Variants in PDK3 observed in about 807,000 individuals in gnomAD.
The protein encoded by PDK3 is pyruvate dehydrogenase kinase, isozyme 3.
Under a neutral mutation model 32.0 loss-of-function variants are expected in PDK3, and 12 were observed. The observed-to-expected ratio is 0.37, with a 90% CI of 0.24 to 0.61. PDK3 has a LOEUF of 0.61. Ranked by LOEUF, PDK3 falls within the 20% of genes least tolerant of loss-of-function variation. PDK3 has a pLI of 0.65. For synonymous variants in PDK3, 122 were observed against 116.3 expected, an observed-to-expected ratio of 1.05 and a Z score of -0.31; for missense variants, 188 against 316.9, an observed-to-expected ratio of 0.59 and a Z score of 3.09.
At chrX:24,517,894 G>A (rs1329817419) in intron 5 of PDK3, among the ~76,000 whole-genome samples, 2 of 112,063 alleles carry the variant, frequency 1.8e-5, no homozygotes, top group African/African-American at 6.5e-5. Context: ...AACTTAAATT[G>A]TGTGGCTCAT....
chrX:24,476,299 C>T (rs955883358), intron 1 of PDK3, among the ~76,000 whole-genome samples: 4 of 111,477 alleles, frequency 3.6e-5, no homozygotes, highest in Non-Finnish European at 5.7e-5. Context: ...AAAAAAAATT[C>T]CACAAATTTC....
At chrX:24,492,832 C>T (rs1331331733) in intron 1 of PDK3, among the ~76,000 whole-genome samples, 1 of 109,145 alleles carries the variant, frequency 9.2e-6, no homozygotes, top group East Asian at 2.9e-4. Context: ...AACCCCGTCT[C>T]TACTAAAAAT....
In PDK3 at chrX:24,465,606, A is replaced by G. The variant is rs1300660244; in HGVS notation, c.106+45A>G. The stretch of plus-strand genomic sequence containing the variant: ...TCCCCATGGGCCCGGGGCCGCCGCC[A>G]TTCGGGCTGCCACCCCGGATCTCCG... On this transcript the variant is annotated intron_variant, in intron 1 of 10. Transcript: ENST00000379162. The G allele has an allele frequency of 3.1e-6, 3 of 963,524 alleles. No homozygotes were observed. In the South Asian group the frequency reaches 6.0e-5, roughly 19 times the overall value. 79.4% of individuals were successfully genotyped at this position (963,524 alleles called of 1,213,427 possible).
chrX:24,545,756 G>A (rs1399048676), exon 12 of PDK3: 4 of 111,712 alleles, frequency 3.6e-5, no homozygotes, highest in African/African-American at 9.8e-5. Flanking sequence ...ATACTGTCCA[G>A]TGTCTCCAGC....
In PDK3 at chrX:24,496,922, C is replaced by T. The variant is rs957565478; in HGVS notation, c.249-1907C>T. On this transcript the variant is annotated intron_variant, in intron 2 of 10. Coordinates refer to ENST00000379162, the MANE Select transcript of PDK3 (RefSeq NM_005391.5). ...TCAACCTCCCAAGTAGCTGGGACTA[C>T]AGGCGCCCGCCACCATGCCCTGCTA... Among the ~76,000 whole-genome samples the T allele has an allele frequency of 3.8e-4, 40 of 106,366 alleles. 1 individual carries two copies. Among genetic ancestry groups the T allele is most frequent in the Non-Finnish European group, 9.7e-5 (5 of 51,730 alleles). The allele number at this position is 106,366 out of a possible 115,157, so 92.4% of individuals were successfully genotyped here.
At chrX:24,495,538 C>T (rs1223927560) in intron 2 of PDK3, among the ~76,000 whole-genome samples, 2 of 112,238 alleles carry the variant, frequency 1.8e-5, no homozygotes, top group Non-Finnish European at 3.8e-5. Context: ...GAAGATACTT[C>T]ACCTATGTTT....
At chrX:24,466,449 C>G (rs1373730576) in intron 1 of PDK3, among the ~76,000 whole-genome samples, 1 of 112,034 alleles carries the variant, frequency 8.9e-6, no homozygotes, top group Non-Finnish European at 1.9e-5. Flanking sequence ...GGAGGAAAAT[C>G]AAATCCAGCA....
intron 5 of PDK3, among the ~76,000 whole-genome samples, chrX:24,506,973 G>T (rs1342354204): frequency 9.2e-6 from 1 of 109,257 alleles, no homozygotes; most frequent in Non-Finnish European, 1.9e-5. Flanking sequence ...ACCACGCCCA[G>T]CTAATTTTTG....
chrX:24,543,819 G>C (rs1228929332), exon 12 of PDK3, among the ~76,000 whole-genome samples: 1 of 111,955 alleles, frequency 8.9e-6, no homozygotes, highest in Non-Finnish European at 1.9e-5. Flanking sequence ...ATTTCTTCCA[G>C]TGCTGAACAA....
chrX:24,466,561 A>T (rs992620099), intron 1 of PDK3, among the ~76,000 whole-genome samples: 2 of 111,781 alleles, frequency 1.8e-5, no homozygotes, highest in African/African-American at 3.3e-5. Flanking sequence ...TCAGTTGGGC[A>T]TAAAAACTAA....
At chrX:24,494,651 C>T in intron 1 of PDK3, 91 bp from the exon 2 acceptor site, 1 of 571,597 alleles carries the variant, frequency 1.7e-6, no homozygotes, top group Non-Finnish European at 2.7e-6. Context: ...TTTTCTCTTT[C>T]CAACCAGTAG....
intron 1 of PDK3, among the ~76,000 whole-genome samples, chrX:24,489,723 A>G (rs1481512452): frequency 9.1e-6 from 1 of 110,200 alleles, no homozygotes; most frequent in Non-Finnish European, 1.9e-5. Flanking sequence ...GAAATCAACA[A>G]CAAACAAAGA....
chrX:24,529,606 G>A (rs778920936), intron 9 of PDK3, among the ~76,000 whole-genome samples: 4 of 110,141 alleles, frequency 3.6e-5, no homozygotes, highest in Non-Finnish European at 7.6e-5. Flanking sequence ...AAAAATACAC[G>A]AAAATAGTCG....
chrX:24,470,187 T>A (rs1256018570), intron 1 of PDK3, among the ~76,000 whole-genome samples: 1 of 112,218 alleles, frequency 8.9e-6, no homozygotes, highest in African/African-American at 3.2e-5. Context: ...TTCAAAAAGA[T>A]AAATTTTTTT....
chrX:24,497,067 A>G (rs1333660632), intron 2 of PDK3, among the ~76,000 whole-genome samples: 1 of 109,250 alleles, frequency 9.2e-6, no homozygotes, highest in East Asian at 2.9e-4. Flanking sequence ...GGTGTGAGCC[A>G]CCGCACCTGG....
chrX:24,512,758 A>C (rs1189888388), intron 5 of PDK3, among the ~76,000 whole-genome samples: 1 of 110,732 alleles, frequency 9.0e-6, no homozygotes, highest in Non-Finnish European at 1.9e-5. Flanking sequence ...GTGAGACTCC[A>C]TCAGAAAAAA....
chrX:24,535,982 GA>G (rs1453468541), downstream of PDK3, among the ~76,000 whole-genome samples: 1 of 85,999 alleles, frequency 1.2e-5, no homozygotes, highest in Non-Finnish European at 2.2e-5. Flanking sequence ...AGGAAAGGAA[GA>G]AAGGAAGGAA....
chrX:24,488,100 G>A (rs899508580), intron 1 of PDK3, among the ~76,000 whole-genome samples: 1 of 108,229 alleles, frequency 9.2e-6, no homozygotes, highest in Non-Finnish European at 1.9e-5. Context: ...TAAATTAGTC[G>A]AAAAGAGGAT....
At chrX:24,483,417 G>A (rs1436634661) in intron 1 of PDK3, among the ~76,000 whole-genome samples, 5 of 111,831 alleles carry the variant, frequency 4.5e-5, no homozygotes, top group Admixed American at 9.5e-5. Flanking sequence ...GCTCTAGCTC[G>A]TCACAGCTTT....
Sources: allele counts gnomAD v4.1 joint callset (sites outside exome capture counted in the v4.1 genomes callset), GRCh38; gene constraint gnomAD v4.1.1; transcripts MANE v1.5; gene names NCBI Gene and HGNC (gene_info 2026-07-23, HGNC 2026-07-21).